FAR1: variants seen among roughly 807,000 people sequenced by gnomAD.
FAR1 encodes fatty acyl-CoA reductase 1, also known as male sterility domain-containing protein 2.
Under a neutral mutation model 61.1 loss-of-function variants are expected in FAR1, and 22 were observed. The ratio of observed to expected loss-of-function variants is 0.36; its 90% CI spans 0.26 to 0.51. The LOEUF is 0.51. FAR1 is among the 20% of genes least tolerant of loss of function. The probability of loss-of-function intolerance (pLI) is 0.95; values close to 1 mark genes in which losing one functional copy is unlikely to be tolerated. For synonymous variants in FAR1, 206 were observed against 209.7 expected, an observed-to-expected ratio of 0.98 and a Z score of 0.15; for missense variants, 359 against 626.9, an observed-to-expected ratio of 0.57 and a Z score of 4.56.
chr11:13,674,124 A>G (rs1285559441), intron 1 of FAR1, among the ~76,000 whole-genome samples: 1 of 152,060 alleles, frequency 6.6e-6, no homozygotes, highest in African/African-American at 2.4e-5. Context: ...AGCCTGGCCA[A>G]TATGGTGAAA....
intron 1 of FAR1, among the ~76,000 whole-genome samples, chr11:13,680,429 T>A (rs1591255127): frequency 3.3e-5 from 5 of 152,294 alleles, no homozygotes. Context: ...TCTGTCTTAG[T>A]CCATTTGTAT....
At chr11:13,696,510 T>C (rs1220311004) in intron 2 of FAR1, among the ~76,000 whole-genome samples, 1 of 152,132 alleles carries the variant, frequency 6.6e-6, no homozygotes, top group Non-Finnish European at 1.5e-5. Flanking sequence ...GCTTCTAAAA[T>C]TTCTTCCACA....
At chr11:13,688,417 G>A (rs1219477695) in intron 1 of FAR1, among the ~76,000 whole-genome samples, 1 of 152,092 alleles carries the variant, frequency 6.6e-6, no homozygotes, top group South Asian at 2.1e-4. Flanking sequence ...GCTATTTGGT[G>A]GTGACAGATT....
Position 13,710,807 on chromosome 11 carries a change from A to G in FAR1, c.660A>G (p.Ala220=). 6.2e-7 allele frequency: 1 copy of G among 1,613,248 alleles called. No homozygotes were observed. The highest frequency in any genetic ancestry group is 8.5e-7 in the Non-Finnish European group (1 of 1,179,584). The change falls in exon 5 of 12, where the codon GCA becomes GCG. Residue 220 remains alanine, a synonymous_variant. Coordinates refer to ENST00000354817, the MANE Select transcript of FAR1 (RefSeq NM_032228.6). ...AATATGTTGTACAACAAGAAGGAGCAAAACTAAATGTGGCAATTGTAAGGC... is the reference window on the plus strand; with the variant it reads ...AATATGTTGTACAACAAGAAGGAGCGAAACTAAATGTGGCAATTGTAAGGC... ...LAEYVVQQEG[A]KLNVAIVRPS... is the part of the protein sequence containing the mutation.
At chr11:13,674,320 A>G (rs1028894077) in intron 1 of FAR1, among the ~76,000 whole-genome samples, 6 of 152,134 alleles carry the variant, frequency 3.9e-5, no homozygotes, top group Admixed American at 3.9e-4. Context: ...AAAAAAAAAA[A>G]AAAAGAAAAA....
At chr11:13,706,558 G>A (rs1317571133) in intron 3 of FAR1, among the ~76,000 whole-genome samples, 2 of 151,896 alleles carry the variant, frequency 1.3e-5, no homozygotes, top group Non-Finnish European at 2.9e-5. Flanking sequence ...TTTGAAATAT[G>A]TATATATTGT....
At chr11:13,678,643 C>T (rs1848093109) in intron 1 of FAR1, among the ~76,000 whole-genome samples, 1 of 152,096 alleles carries the variant, frequency 6.6e-6, no homozygotes, top group South Asian at 2.1e-4. Context: ...TTTAGTAATC[C>T]TTGAGCTTCT....
intron 3 of FAR1, among the ~76,000 whole-genome samples, chr11:13,703,742 C>T (rs1320350071): frequency 2.0e-5 from 3 of 152,006 alleles, no homozygotes; most frequent in Non-Finnish European, 4.4e-5. Context: ...TAAGGAAATA[C>T]TGACAAAAAG....
chr11:13,675,416 C>A (rs548810105), intron 1 of FAR1, among the ~76,000 whole-genome samples: 1 of 152,102 alleles, frequency 6.6e-6, no homozygotes, highest in African/African-American at 2.4e-5. Context: ...ATAAAGCGTG[C>A]GGTTAGGAAA....
At chr11:13,682,937 A>C (rs1431536773) in intron 1 of FAR1, among the ~76,000 whole-genome samples, 1 of 152,072 alleles carries the variant, frequency 6.6e-6, no homozygotes, top group Non-Finnish European at 1.5e-5. Context: ...AGGGACATTT[A>C]TTTGAAGTTA....
rs1271923829 is a variant in FAR1 at position 13,683,200 on chromosome 11, C to T, written c.-7-11559C>T. The stretch of plus-strand genomic sequence containing the variant: ...TTGAGGTCAGGAGTTGGAGACCAGC[C>T]TGGCCAACATGGTGAAACCTCATCT... On this transcript the variant is annotated intron_variant, in intron 1 of 11. Transcript: ENST00000354817. 2.0e-5 allele frequency among the ~76,000 whole-genome samples: 3 copies of T among 151,990 alleles called. No homozygotes were observed. In the East Asian group the frequency reaches 5.8e-4, roughly 29 times the overall value.
intron 10 of FAR1, among the ~76,000 whole-genome samples, chr11:13,726,636 T>C (rs916650953): frequency 1.3e-5 from 2 of 151,650 alleles, no homozygotes; most frequent in African/African-American, 4.8e-5. Context: ...ATGGGGGCAG[T>C]GGGAGTTGTA....
intron 3 of FAR1, among the ~76,000 whole-genome samples, chr11:13,704,676 C>A (rs2134187050): frequency 6.6e-6 from 1 of 152,104 alleles, no homozygotes; most frequent in Non-Finnish European, 1.5e-5. Flanking sequence ...GACTGAGCCC[C>A]CTACCCTAAG....
chr11:13,706,678 T>A (rs1229002021), intron 3 of FAR1, among the ~76,000 whole-genome samples: 1 of 152,172 alleles, frequency 6.6e-6, no homozygotes, highest in Admixed American at 6.6e-5. Context: ...TATATTGATA[T>A]TAACTATAGT....
chr11:13,721,903 A>G lies in FAR1; in HGVS notation c.1257+44A>G, dbSNP rs1043978075. 3 of 1,513,310 alleles carry G rather than the reference A, an allele frequency of 2.0e-6. No individual in the cohort carries two copies. The African/African-American group carries it at 4.2e-5, about 21-fold the overall frequency. 93.7% of individuals were successfully genotyped at this position (1,513,310 alleles called of 1,614,324 possible). The stretch of plus-strand genomic sequence containing the variant: ...TTTTATATTAGAAAATAAGTAGCAT[A>G]CTAATTACAGAACTATTAGCAACCT... On this transcript the variant is annotated intron_variant, in intron 10 of 11. Transcript: ENST00000354817. The surrounding 1 kb of genome is among the most constrained non-coding windows in gnomAD (Gnocchi z 4.2).
rs34105992 is a variant in FAR1 at position 13,729,328 on chromosome 11, TCTC to T, written c.*555_*557del. 0.032 allele frequency: 4,886 copies of T among 152,062 alleles called. 110 individuals are homozygous for T. The highest frequency in any genetic ancestry group is 0.047 in the Non-Finnish European group (3,182 of 67,830). 9.4% of individuals were successfully genotyped at this position (152,062 alleles called of 1,614,324 possible). ...ATGATATCAAACATGAAAGAGATGT[TCTC>T]ATTTTTCTTTTTCTGATTAAACGTC... On this transcript the variant is annotated 3_prime_UTR_variant, in exon 12 of 12. Transcript: ENST00000354817.
Position 13,710,708 on chromosome 11 carries a change from C to T in FAR1, c.561C>T (p.Gly187=), listed in dbSNP as rs759234971. 2 of 1,588,764 alleles carry T rather than the reference C, an allele frequency of 1.3e-6. No individual in the cohort carries two copies. The highest frequency in any genetic ancestry group is 1.7e-6 in the Non-Finnish European group (2 of 1,172,290). ...LIDSLEWMDD[G]LVNDITPKLI... ...TCTTTACCAGGTGGATGGATGATGG[C>T]CTAGTAAATGATATCACGCCAAAAT... Residue 187 remains glycine (G), a synonymous_variant, in exon 5 of 12, where the codon GGC becomes GGT. Coordinates refer to ENST00000354817, the MANE Select transcript of FAR1 (RefSeq NM_032228.6).
chr11:13,712,357 TA>T (rs1848509307), intron 7 of FAR1, among the ~76,000 whole-genome samples: 1 of 151,824 alleles, frequency 6.6e-6, no homozygotes, highest in South Asian at 2.1e-4. Flanking sequence ...GTTGAATATA[TA>T]AAGAGCTGAA....
chr11:13,712,847 AAAAAT>A, intron 7 of FAR1, 114 bp from the exon 8 acceptor site: 1 of 620,310 alleles, frequency 1.6e-6, no homozygotes, highest in East Asian at 2.7e-5. Flanking sequence ...ATAATTAAAA[AAAAAT>A]AGTATAGAAA....
Sources: allele counts gnomAD v4.1 joint callset (sites outside exome capture counted in the v4.1 genomes callset), GRCh38; gene constraint gnomAD v4.1.1; non-coding constraint Gnocchi (gnomAD v3.1); transcripts MANE v1.5; gene names NCBI Gene and HGNC (gene_info 2026-07-23, HGNC 2026-07-21).